ANKRD46: variants seen among roughly 807,000 people sequenced by gnomAD.
ANKRD46 encodes ankyrin repeat domain 46.
In ANKRD46, 13 loss-of-function variants were observed where a neutral mutation model predicts 19.8. That is an observed-to-expected ratio of 0.66 (90% CI 0.43 to 1.04). The LOEUF is 1.04. Among genes scored for constraint, ANKRD46 ranks in the 50% least tolerant of loss-of-function variants. The pLI is 0.00. For synonymous variants in ANKRD46, 91 were observed against 106.9 expected, an observed-to-expected ratio of 0.85 and a Z score of 0.92; for missense variants, 185 against 274.8, an observed-to-expected ratio of 0.67 and a Z score of 2.31.
intron 1 of ANKRD46, among the ~76,000 whole-genome samples, chr8:100,538,222 T>A (rs545016303): frequency 1.1e-4 from 12 of 112,730 alleles, no homozygotes; most frequent in Middle Eastern, 4.1e-3. Context: ...TTGTAAAAAT[T>A]TTTAGGAAAT....
intron 5 of ANKRD46, among the ~76,000 whole-genome samples, chr8:100,513,968 C>T (rs1811589477): frequency 6.6e-6 from 1 of 152,174 alleles, no homozygotes; most frequent in Non-Finnish European, 1.5e-5. Context: ...TTCGGTGAAA[C>T]AGTCCAGACA....
rs535001374 is a variant in ANKRD46, at chr8:100,529,043, G to A, written c.311+480C>T. 3.9e-5 allele frequency among the ~76,000 whole-genome samples: 6 copies of A among 152,314 alleles called. No homozygotes were observed. The highest frequency in any genetic ancestry group is 9.6e-5 in the African/African-American group (4 of 41,574). On this transcript the variant is annotated intron_variant, in intron 3 of 4. Coordinates refer to ENST00000335659, the MANE Select transcript of ANKRD46 (RefSeq NM_001270377.2). The surrounding 1 kb of genome is among the most constrained non-coding windows in gnomAD (Gnocchi z 5.8). Reference sequence around the variant, plus strand: ...AAGGCACACAAGCGTTAGAGTCAGCGGAACTAGGTTCAAATTCCAGCTCTG... The same window carrying A: ...AAGGCACACAAGCGTTAGAGTCAGCAGAACTAGGTTCAAATTCCAGCTCTG...
At position 100,511,275 on chromosome 8, in the gene ANKRD46, G is replaced by A. The variant is rs2030884611; in HGVS notation, c.637-636C>T. ...ACCTGCCCACTGACACTCCATCATA[G>A]TGTAGGCTGGGGATCCAAACCCAGG... On this transcript the variant is annotated intron_variant, in intron 5 of 5. Coordinates refer to the ANKRD46 transcript ENST00000520552. This position sits in a 1 kb window ranked among gnomAD's most constrained non-coding sequence, Gnocchi z 4.1. Among the ~76,000 whole-genome samples the A allele has an allele frequency of 6.6e-6, 1 of 152,226 alleles. No individual in the cohort carries two copies. Among genetic ancestry groups the A allele is most frequent in the Non-Finnish European group, 1.5e-5 (1 of 68,038 alleles).
intron 1 of ANKRD46, among the ~76,000 whole-genome samples, chr8:100,550,000 T>C (rs1812350605): frequency 6.6e-6 from 1 of 152,238 alleles, no homozygotes; most frequent in South Asian, 2.1e-4. Flanking sequence ...TTCTCATGGC[T>C]TCATAGTTTC....
intron 5 of ANKRD46, among the ~76,000 whole-genome samples, chr8:100,515,564 G>A (rs1811616377): frequency 6.6e-6 from 1 of 150,532 alleles, no homozygotes. Flanking sequence ...AACTATGAAA[G>A]TACACAGAAC....
intron 1 of ANKRD46, among the ~76,000 whole-genome samples, chr8:100,548,390 T>C (rs1251887304): frequency 6.6e-6 from 1 of 152,230 alleles, no homozygotes; most frequent in Non-Finnish European, 1.5e-5. Flanking sequence ...CTTCCCTGGA[T>C]GGAGAATCAC....
chr8:100,555,721 C>CAAAAAAAAAA, intron 1 of ANKRD46, among the ~76,000 whole-genome samples: 1 of 26,056 alleles, frequency 3.8e-5, no homozygotes, highest in Non-Finnish European at 6.9e-5. Context: ...TTTTCCTCAG[C>CAAAAAAAAAA]TAAAAAAAAA....
intron 1 of ANKRD46, among the ~76,000 whole-genome samples, chr8:100,541,023 A>G (rs1468491937): frequency 6.7e-6 from 1 of 149,392 alleles, no homozygotes. Context: ...AGCATCTAGT[A>G]TGGCATAAGG....
chr8:100,522,168 T>G lies in ANKRD46; in HGVS notation c.*387A>C, dbSNP rs960297460. On this transcript the variant is annotated 3_prime_UTR_variant, in exon 5 of 5. Transcript: ENST00000335659. ...TGAAAACAAAACCACCAACAAAAACTAATCATATAAGATACTGTTTTTCTT... is the reference window on the plus strand; with the variant it reads ...TGAAAACAAAACCACCAACAAAAACGAATCATATAAGATACTGTTTTTCTT... The G allele has an allele frequency of 5.6e-5, 56 of 993,884 alleles. No individual in the cohort carries two copies. Among genetic ancestry groups the G allele is most frequent in the Non-Finnish European group, 6.1e-5 (51 of 835,138 alleles). The allele number at this position is 993,884 out of a possible 1,614,324, so 61.6% of individuals were successfully genotyped here.
intron 1 of ANKRD46, among the ~76,000 whole-genome samples, chr8:100,558,567 A>C (rs529204168): frequency 1.3e-5 from 2 of 152,286 alleles, no homozygotes; most frequent in East Asian, 3.9e-4. Context: ...TTCTTACTAA[A>C]CTCCTTTTAA....
At position 100,557,620 on chromosome 8, in the gene ANKRD46, A is replaced by C. The variant is rs1211902606; in HGVS notation, c.-131+2091T>G. 2.0e-5 allele frequency among the ~76,000 whole-genome samples: 3 copies of C among 152,140 alleles called. No individual in the cohort carries two copies. Among genetic ancestry groups the C allele is most frequent in the African/African-American group, 7.2e-5 (3 of 41,416 alleles). ...ACTCAGAGTAAAAGCAAAAGTCCTT[A>C]CCTGGGCCCATTAGCTCTCTGACCT... On this transcript the variant is annotated intron_variant, in intron 1 of 4. Transcript: ENST00000335659. This position sits in a 1 kb window ranked among gnomAD's most constrained non-coding sequence, Gnocchi z 5.9.
Position 100,511,012 on chromosome 8 carries a change from T to C in ANKRD46, c.637-373A>G, listed in dbSNP as rs1286766713. Among the ~76,000 whole-genome samples, 4 of 152,208 alleles carry C rather than the reference T, an allele frequency of 2.6e-5. No individual in the cohort carries two copies. Among genetic ancestry groups the C allele is most frequent in the Non-Finnish European group, 5.9e-5 (4 of 68,042 alleles). On this transcript the variant is annotated intron_variant, in intron 5 of 5. Transcript: ENST00000520552. The surrounding 1 kb of genome is among the most constrained non-coding windows in gnomAD (Gnocchi z 4.1). The stretch of plus-strand genomic sequence containing the variant: ...GTTGACCTGTCTTTCAGCAAATAAA[T>C]GCTTCCTAATGCAGCACAGGGCAGA...
At chr8:100,548,358 C>T (rs1054981186) in intron 1 of ANKRD46, among the ~76,000 whole-genome samples, 2 of 152,184 alleles carry the variant, frequency 1.3e-5, no homozygotes, top group African/African-American at 4.8e-5. Context: ...GGTGCACTTA[C>T]TTTTCTTCCT....
chr8:100,527,729 G>T lies in ANKRD46; in HGVS notation c.470+116C>A. 9.3e-7 allele frequency: 1 copy of T among 1,074,334 alleles called. No homozygotes were observed. Among genetic ancestry groups the T allele is most frequent in the Non-Finnish European group, 1.3e-6 (1 of 767,774 alleles). The allele number at this position is 1,074,334 out of a possible 1,614,324, so 66.6% of individuals were successfully genotyped here. On this transcript the variant is annotated intron_variant, in intron 4 of 4. Transcript: ENST00000335659. The surrounding 1 kb of genome is among the most constrained non-coding windows in gnomAD (Gnocchi z 4.0). ...AAATCGTATTATCTTGCTGGGTGTG[G>T]CTACATGTGCCTATAGTCCCAGCTA...
In ANKRD46 at chr8:100,546,955, G is replaced by A. The variant is rs925118733; in HGVS notation, c.-131+12756C>T. ...TTGGCCAATTTCTCCCATTTGGAAT[G>A]GGAGCATTTACCCAATGCCTGTGCC... On this transcript the variant is annotated intron_variant, in intron 1 of 4. Coordinates refer to ENST00000335659, the MANE Select transcript of ANKRD46 (RefSeq NM_001270377.2). This position sits in a 1 kb window ranked among gnomAD's most constrained non-coding sequence, Gnocchi z 4.0. Among the ~76,000 whole-genome samples, 2 of 152,214 alleles carry A rather than the reference G, an allele frequency of 1.3e-5. No individual in the cohort carries two copies. Among genetic ancestry groups the A allele is most frequent in the African/African-American group, 4.8e-5 (2 of 41,456 alleles).
Position 100,544,634 on chromosome 8 carries a change from G to A in ANKRD46, c.-130-11323C>T, listed in dbSNP as rs959866922. On this transcript the variant is annotated intron_variant, in intron 1 of 4. Coordinates refer to ENST00000335659, the MANE Select transcript of ANKRD46 (RefSeq NM_001270377.2). The surrounding 1 kb of genome is among the most constrained non-coding windows in gnomAD (Gnocchi z 4.4). ...ACGTTTGTATCTTAGGTCCTAACTCGGCCATTTTCTAAGGCACTATCTTGA... is the reference window on the plus strand; with the variant it reads ...ACGTTTGTATCTTAGGTCCTAACTCAGCCATTTTCTAAGGCACTATCTTGA... Among the ~76,000 whole-genome samples the A allele has an allele frequency of 2.6e-5, 4 of 152,152 alleles. No individual in the cohort carries two copies. The highest frequency in any genetic ancestry group is 7.2e-5 in the African/African-American group (3 of 41,526).
At position 100,524,418 on chromosome 8, in the gene ANKRD46, G is replaced by A. The variant is rs1049590716; in HGVS notation, c.471-1647C>T. Among the ~76,000 whole-genome samples, 1 of 151,866 alleles carries A rather than the reference G, an allele frequency of 6.6e-6. No individual in the cohort carries two copies. The highest frequency in any genetic ancestry group is 2.4e-5 in the African/African-American group (1 of 41,330). ...TACTTCTTGATACCATCAAACAAAA[G>A]TCCTTCAGCCTTTACCAACATTAGA... On this transcript the variant is annotated intron_variant, in intron 4 of 4. Transcript: ENST00000335659. The surrounding 1 kb of genome is among the most constrained non-coding windows in gnomAD (Gnocchi z 4.3).
chr8:100,541,704 C>T (rs368342414), intron 1 of ANKRD46, among the ~76,000 whole-genome samples: 2 of 152,220 alleles, frequency 1.3e-5, no homozygotes, highest in Non-Finnish European at 2.9e-5. Flanking sequence ...CATCCCCACA[C>T]GTTCTAGTCC....
At position 100,559,147 on chromosome 8, in the gene ANKRD46, A is replaced by C. The variant is rs1396709071; in HGVS notation, c.-131+564T>G. ...CCTCAGAGAGAACGATCTGCTTTTT[A>C]GCACTGCAAGCCAATTAAGGGAGGA... On this transcript the variant is annotated intron_variant, in intron 1 of 4. Transcript: ENST00000335659. This position sits in a 1 kb window ranked among gnomAD's most constrained non-coding sequence, Gnocchi z 6.0. 1 of 152,226 alleles carries C rather than the reference A, an allele frequency of 6.6e-6. No homozygotes were observed. The highest frequency in any genetic ancestry group is 2.4e-5 in the African/African-American group (1 of 41,460). 9.4% of individuals were successfully genotyped at this position (152,226 alleles called of 1,614,324 possible).
Sources: gnomAD v4.1 joint callset for allele counts (sites outside exome capture counted in the v4.1 genomes callset) on GRCh38, gnomAD v4.1.1 for gene constraint, Gnocchi (gnomAD v3.1) non-coding constraint, MANE v1.5 for transcripts, NCBI Gene and HGNC (gene_info 2026-07-23, HGNC 2026-07-21) for gene names.